The following PRKD1 variants were observed in gnomAD, a reference collection of about 807,000 sequenced individuals.
PRKD1 encodes serine/threonine-protein kinase D1.
A neutral mutation model predicts 95.9 loss-of-function variants in PRKD1; 63 were observed. That is an observed-to-expected ratio of 0.66 (90% confidence interval 0.54 to 0.81). The LOEUF is 0.81. PRKD1 is among the 30% of genes least tolerant of loss of function. The pLI is 0.00. For synonymous variants in PRKD1, 425 were observed against 423.1 expected, an observed-to-expected ratio of 1.00 and a Z score of -0.05; for missense variants, 1,048 against 1,165.3, an observed-to-expected ratio of 0.90 and a Z score of 1.47.
At chr14:29,742,740 G>A (rs185174842) in intron 1 of PRKD1, among the ~76,000 whole-genome samples, 2 of 152,212 alleles carry the variant, frequency 1.3e-5, no homozygotes, top group East Asian at 3.9e-4. Flanking sequence ...CATTTTTCAT[G>A]CATATAATCG....
intron 2 of PRKD1, among the ~76,000 whole-genome samples, chr14:29,676,025 T>A (rs1465566110): frequency 6.6e-6 from 1 of 151,018 alleles, no homozygotes; most frequent in Non-Finnish European, 1.5e-5. Context: ...ATATACCTAA[T>A]GTAAATGACG....
chr14:29,852,880 CCTT>C (rs1459338455), intron 1 of PRKD1, among the ~76,000 whole-genome samples: 1 of 152,060 alleles, frequency 6.6e-6, no homozygotes, highest in Non-Finnish European at 1.5e-5. Context: ...GTAAATCCCT[CCTT>C]ATCAGTAATT....
At chr14:29,589,060 G>A (rs902004436) in intron 16 of PRKD1, among the ~76,000 whole-genome samples, 3 of 151,928 alleles carry the variant, frequency 2.0e-5, no homozygotes, top group African/African-American at 7.3e-5. Context: ...CTGCCTGTTT[G>A]CCTCTCTAAT....
intron 1 of PRKD1, among the ~76,000 whole-genome samples, chr14:29,761,860 G>A (rs559162955): frequency 6.8e-6 from 1 of 146,948 alleles, no homozygotes; most frequent in African/African-American, 2.5e-5. Flanking sequence ...CTAGCTCACT[G>A]TCACCTCAAA....
At chr14:29,851,286 G>C (rs1198619462) in intron 1 of PRKD1, among the ~76,000 whole-genome samples, 1 of 152,090 alleles carries the variant, frequency 6.6e-6, no homozygotes, top group East Asian at 1.9e-4. Context: ...ATAGTAAACA[G>C]ATAACCTACA....
intron 13 of PRKD1, among the ~76,000 whole-genome samples, chr14:29,600,767 C>T (rs577996716): frequency 8.2e-4 from 125 of 152,250 alleles, no homozygotes; most frequent in Non-Finnish European, 1.1e-3. Flanking sequence ...TTGCTTGACA[C>T]ATTAATTGCC....
intron 2 of PRKD1, among the ~76,000 whole-genome samples, chr14:29,669,203 T>A (rs1882700584): frequency 6.6e-6 from 1 of 152,192 alleles, no homozygotes. Context: ...GTTCTCAAGA[T>A]CAAAAATTCT....
intron 1 of PRKD1, among the ~76,000 whole-genome samples, chr14:29,869,505 A>G (rs554543051): frequency 1.3e-5 from 2 of 152,258 alleles, no homozygotes; most frequent in South Asian, 4.1e-4. Flanking sequence ...CTTGTTCAGT[A>G]AATCTCAGTA....
At chr14:29,919,891 G>C (rs1046101876) in intron 1 of PRKD1, among the ~76,000 whole-genome samples, 1 of 151,900 alleles carries the variant, frequency 6.6e-6, no homozygotes, top group Non-Finnish European at 1.5e-5. Flanking sequence ...ACCTGAGCTT[G>C]GGAAGTTGAG....
At chr14:29,642,830 G>A (rs1880874640) in intron 4 of PRKD1, among the ~76,000 whole-genome samples, 1 of 151,662 alleles carries the variant, frequency 6.6e-6, no homozygotes, top group South Asian at 2.1e-4. Flanking sequence ...TTAACTAAAT[G>A]GTGTTTAAAT....
At chr14:29,699,772 T>C (rs1224584523) in intron 2 of PRKD1, among the ~76,000 whole-genome samples, 1 of 152,164 alleles carries the variant, frequency 6.6e-6, no homozygotes, top group African/African-American at 2.4e-5. Context: ...CCACCTATGG[T>C]ATAACACATT....
intron 1 of PRKD1, among the ~76,000 whole-genome samples, chr14:29,837,165 G>GTGAAAGGCA (rs1566628469): frequency 6.6e-6 from 1 of 152,042 alleles, no homozygotes; most frequent in African/African-American, 2.4e-5. Flanking sequence ...TGTAAAAGAA[G>GTGAAAGGCA]TGAAAGGCAA....
intron 1 of PRKD1, among the ~76,000 whole-genome samples, chr14:29,776,717 T>C (rs951096195): frequency 3.9e-5 from 6 of 152,104 alleles, no homozygotes; most frequent in African/African-American, 7.2e-5. Flanking sequence ...TGGAAAACAC[T>C]CTGTAGGATA....
chr14:29,610,108 T>C (rs1391221455), intron 13 of PRKD1, among the ~76,000 whole-genome samples: 2 of 152,312 alleles, frequency 1.3e-5, no homozygotes, highest in South Asian at 2.1e-4. Context: ...TTTTTGACTT[T>C]TCCACATAGA....
At position 29,629,095 on chromosome 14, in the gene PRKD1, T is replaced by C; in HGVS notation, c.1673-2A>G. On this transcript the variant is annotated splice_acceptor_variant, in intron 10 of 17. Coordinates refer to ENST00000331968, the MANE Select transcript of PRKD1 (RefSeq NM_002742.3). LOFTEE classifies it high-confidence loss of function. ...CTGAAATACTCACAGAGATATCTCC[T>C]GGAAATGCATGTAAAACAATATGCA... The C allele has an allele frequency of 6.2e-7, 1 of 1,605,574 alleles. No individual in the cohort carries two copies. Among genetic ancestry groups the C allele is most frequent in the Non-Finnish European group, 8.5e-7 (1 of 1,176,320 alleles).
intron 1 of PRKD1, among the ~76,000 whole-genome samples, chr14:29,778,942 A>G (rs1337039902): frequency 6.6e-6 from 1 of 152,204 alleles, no homozygotes; most frequent in African/African-American, 2.4e-5. Flanking sequence ...ATCCACCATG[A>G]TCAAGTGAGA....
intron 16 of PRKD1, chr14:29,592,865 T>G (rs1893179477): frequency 6.6e-6 from 1 of 152,176 alleles, no homozygotes; most frequent in South Asian, 2.1e-4. Context: ...TAGAAATTAT[T>G]AAAATTTGTG....
At chr14:29,673,560 C>T (rs2139240893) in intron 2 of PRKD1, among the ~76,000 whole-genome samples, 1 of 152,300 alleles carries the variant, frequency 6.6e-6, no homozygotes, top group African/African-American at 2.4e-5. Context: ...TGAATATTGC[C>T]ACCCCTTAAT....
At chr14:29,926,089 T>C (rs1895285210) in intron 1 of PRKD1, among the ~76,000 whole-genome samples, 1 of 152,260 alleles carries the variant, frequency 6.6e-6, no homozygotes, top group Non-Finnish European at 1.5e-5. Context: ...GTCTAGAACT[T>C]TCACAACTTT....
Sources: gnomAD v4.1 joint callset for allele counts (sites outside exome capture counted in the v4.1 genomes callset) on GRCh38, gnomAD v4.1.1 for gene constraint, MANE v1.5 for transcripts, NCBI Gene and HGNC (gene_info 2026-07-23, HGNC 2026-07-21) for gene names.